Variants in GTSF1 observed in about 807,000 individuals in gnomAD.
GTSF1 encodes gametocyte-specific factor 1.
GTSF1 carries 11 observed loss-of-function variants against 28.9 expected under a neutral mutation model. The ratio of observed to expected loss-of-function variants is 0.38; its 90% CI spans 0.24 to 0.63. The LOEUF is 0.63. Among genes scored for constraint, GTSF1 ranks in the 30% least tolerant of loss-of-function variants. The pLI is 0.56. For synonymous variants in GTSF1, 69 were observed against 65.6 expected (o/e 1.05, Z -0.25); for missense variants, 146 against 201.0 (o/e 0.73, Z 1.66).
rs758606212 is a variant in GTSF1, at chr12:54,459,113, T to C, written c.500A>G (p.Gln167Arg). 6.2e-7 allele frequency: 1 copy of C among 1,604,972 alleles called. No individual in the cohort carries two copies. Among genetic ancestry groups the C allele is most frequent in the Non-Finnish European group, 8.5e-7 (1 of 1,173,742 alleles). Reference protein sequence around the residue: ...VLPWKNNGNAQ With the variant: ...VLPWKNNGNAR ...CTTGATGAGATAGGTATTCAGTTAC[T>C]GTGCATTTCCATCTACAAGTAGAAA... Residue 167 changes from glutamine to arginine, a missense_variant, in exon 8 of 9, where the codon CAG (glutamine) becomes CGG (arginine). By Grantham distance (43) the Gln-to-Arg change is conservative. Transcript: ENST00000305879.
chr12:54,469,492 A>C (rs535432099), intron 2 of GTSF1, among the ~76,000 whole-genome samples: 1 of 151,636 alleles, frequency 6.6e-6, no homozygotes, highest in Non-Finnish European at 1.5e-5. Context: ...GTTCGAGACC[A>C]GCCTGGCCAA....
At chr12:54,459,540 G>A (rs886559066) in intron 7 of GTSF1, 45 of 935,148 alleles carry the variant, frequency 4.8e-5, no homozygotes, top group East Asian at 6.2e-5. Context: ...TCATTATGAC[G>A]GTAATATGAT....
chr12:54,471,107 T>G, intron 2 of GTSF1, 126 bp downstream of exon 2: 2 of 601,726 alleles, frequency 3.3e-6, no homozygotes, highest in Non-Finnish European at 5.4e-6. Context: ...GGCAATACCA[T>G]AAAGACTTTT....
At position 54,471,878 on chromosome 12, in the gene GTSF1, C is replaced by A. The variant is rs77752030; in HGVS notation, c.-29-601G>T. ...TACAAAAAACAAAACAACCCCCCCC[C>A]AAAAACAAACAAACAAACAAACAAA... On this transcript the variant is annotated intron_variant, in intron 1 of 8. Transcript: ENST00000305879. 548 of 138,754 alleles carry A rather than the reference C, an allele frequency of 3.9e-3. 1 individual carries two copies. Among genetic ancestry groups the A allele is most frequent in the African/African-American group, 7.2e-3 (281 of 38,916 alleles). 8.6% of individuals were successfully genotyped at this position (138,754 alleles called of 1,614,324 possible). A position where few individuals can be genotyped will look rare whatever the true frequency, so the allele number is the denominator to read the frequency against.
At chr12:54,468,088 T>C (rs1956546648) in intron 2 of GTSF1, among the ~76,000 whole-genome samples, 1 of 152,102 alleles carries the variant, frequency 6.6e-6, no homozygotes, top group African/African-American at 2.4e-5. Flanking sequence ...TACAATGCTG[T>C]GACTAACAAT....
Position 54,462,666 on chromosome 12 carries a change from G to C in GTSF1, c.304C>G (p.Pro102Ala). The C allele has an allele frequency of 6.2e-7, 1 of 1,613,982 alleles. No homozygotes were observed. Among genetic ancestry groups the C allele is most frequent in the Non-Finnish European group, 8.5e-7 (1 of 1,179,838 alleles). ...TLAESTWQCP[P>A]CDEDWDKDLW... ...CCTTTATCCCAGTCTTCATCGCAAG[G>C]AGGGCACTGCCAAGTGCTCTCAGCC... Residue 102 changes from proline to alanine, a missense_variant, in exon 5 of 9, where the codon CCT becomes GCT. Pro to Ala is a conservative substitution (Grantham distance 27). Transcript: ENST00000305879.
At chr12:54,459,542 TAATATGATACAA>T (rs1189954158) in intron 7 of GTSF1, 1 of 918,112 alleles carries the variant, frequency 1.1e-6, no homozygotes, top group Non-Finnish European at 1.5e-6. Context: ...ATTATGACGG[TAATATGATACAA>T]ATTTAGTACT....
rs1410581314 is a variant in GTSF1 at position 54,473,118 on chromosome 12, T to C, written c.-30+428A>G. On this transcript the variant is annotated intron_variant, in intron 1 of 8. Coordinates refer to ENST00000305879, the MANE Select transcript of GTSF1 (RefSeq NM_144594.3). Reference sequence around the variant, plus strand: ...GCATCAAACTGTTAACGGGATTCTTTACCTTTTCCCTACTACTAGATCACG... The same window carrying C: ...GCATCAAACTGTTAACGGGATTCTTCACCTTTTCCCTACTACTAGATCACG... 2.6e-5 allele frequency among the ~76,000 whole-genome samples: 4 copies of C among 152,170 alleles called. No homozygotes were observed. The East Asian group carries it at 5.8e-4, about 22-fold the overall frequency.
chr12:54,465,583 T>C (rs1205073976), intron 2 of GTSF1, among the ~76,000 whole-genome samples: 2 of 152,160 alleles, frequency 1.3e-5, no homozygotes, highest in African/African-American at 4.8e-5. Flanking sequence ...AATACACTGA[T>C]TTGGGGGCCC....
At chr12:54,468,479 C>A (rs1956551939) in intron 2 of GTSF1, among the ~76,000 whole-genome samples, 1 of 152,162 alleles carries the variant, frequency 6.6e-6, no homozygotes, top group Non-Finnish European at 1.5e-5. Context: ...AGTGTCTGTG[C>A]ATTAAAAGTT....
chr12:54,469,173 G>C (rs1324196528), intron 2 of GTSF1, among the ~76,000 whole-genome samples: 1 of 152,030 alleles, frequency 6.6e-6, no homozygotes, highest in Non-Finnish European at 1.5e-5. Flanking sequence ...CCACCTCCTG[G>C]GTCCAAGCAA....
chr12:54,469,581 A>G (rs1956568683), intron 2 of GTSF1, among the ~76,000 whole-genome samples: 1 of 149,398 alleles, frequency 6.7e-6, no homozygotes, highest in African/African-American at 2.5e-5. Context: ...CCAGCTACTC[A>G]GGAAGCTGAG....
At chr12:54,471,108 A>G in intron 2 of GTSF1, 125 bp downstream of exon 2, 1 of 606,866 alleles carries the variant, frequency 1.6e-6, no homozygotes, top group Admixed American at 3.9e-5. Flanking sequence ...GCAATACCAT[A>G]AAGACTTTTC....
In GTSF1 at chr12:54,463,411, G is replaced by T. The variant is rs1041163058; in HGVS notation, c.118-114C>A. On this transcript the variant is annotated intron_variant, in intron 3 of 8. Transcript: ENST00000305879. ...CCCTAAAATTCCTCAATAAACTTCT[G>T]GCTTAACTATAACAAGTAAACTCAG... The T allele has an allele frequency of 3.4e-6, 3 of 893,688 alleles. No individual in the cohort carries two copies. In the African/African-American group the frequency reaches 5.1e-5, roughly 15 times the overall value. The allele number at this position is 893,688 out of a possible 1,614,324, so 55.4% of individuals were successfully genotyped here.
intron 7 of GTSF1, chr12:54,459,499 CAGT>C: frequency 8.0e-7 from 1 of 1,253,552 alleles, no homozygotes; most frequent in Non-Finnish European, 1.0e-6. Context: ...GTAAAAATGA[CAGT>C]ATCTTGGGTG....
intron 8 of GTSF1, 96 bp from the exon 9 acceptor site, chr12:54,456,249 A>G (rs906850868): frequency 6.6e-6 from 1 of 152,334 alleles, no homozygotes; most frequent in South Asian, 2.1e-4. Flanking sequence ...TAACCCAATT[A>G]AATTATCTTG....
chr12:54,460,122 T>C (rs1956400277), intron 7 of GTSF1, among the ~76,000 whole-genome samples: 1 of 152,234 alleles, frequency 6.6e-6, no homozygotes, highest in African/African-American at 2.4e-5. Context: ...GTATTTGACG[T>C]CAGTGGTCAC....
intron 2 of GTSF1, among the ~76,000 whole-genome samples, chr12:54,466,127 T>C (rs751478168): frequency 6.6e-6 from 1 of 152,186 alleles, no homozygotes; most frequent in Non-Finnish European, 1.5e-5. Context: ...CCTTAGGCTA[T>C]ACAAGATGAC....
intron 7 of GTSF1, chr12:54,459,720 GCC>G (rs1565657204): frequency 1.4e-3 from 212 of 151,972 alleles, no homozygotes; most frequent in South Asian, 6.2e-3. Context: ...CTGATATTAT[GCC>G]TTTTTTTTTT....
Sources: allele counts gnomAD v4.1 joint callset (sites outside exome capture counted in the v4.1 genomes callset), GRCh38; gene constraint gnomAD v4.1.1; transcripts MANE v1.5; gene names NCBI Gene and HGNC (gene_info 2026-07-23, HGNC 2026-07-21).